GLRA3: variants seen among roughly 807,000 people sequenced by gnomAD.
The protein encoded by GLRA3 is glycine receptor subunit alpha-3.
Under a neutral mutation model 60.4 loss-of-function variants are expected in GLRA3, and 44 were observed. The ratio of observed to expected loss-of-function variants is 0.73; its 90% CI spans 0.57 to 0.94. The LOEUF (loss-of-function observed/expected upper bound fraction) is 0.94. Among genes scored for constraint, GLRA3 ranks in the 40% least tolerant of loss-of-function variants. The pLI, the probability that GLRA3 is intolerant of heterozygous loss-of-function variation, is 0.00. For missense variants in GLRA3, 508 were observed against 564.6 expected, an observed-to-expected ratio of 0.90 and a Z score of 1.02; for synonymous variants, 223 against 192.9, an observed-to-expected ratio of 1.16 and a Z score of -1.29.
rs559311917 is a variant in GLRA3, at chr4:174,645,091, A to G, written c.1117-1027T>C. On this transcript the variant is annotated intron_variant, in intron 9 of 9. Coordinates refer to ENST00000274093, the MANE Select transcript of GLRA3 (RefSeq NM_006529.4). ...TATGATAATGCTTTTTCATAATAAT[A>G]TAAAAGATCAAATAATTGGCTTGAA... Among the ~76,000 whole-genome samples the G allele has an allele frequency of 2.0e-5, 3 of 152,184 alleles. No individual in the cohort carries two copies. The East Asian group carries it at 5.8e-4, about 29-fold the overall frequency.
At chr4:174,725,018 A>G (rs573907825) in intron 4 of GLRA3, among the ~76,000 whole-genome samples, 12 of 152,336 alleles carry the variant, frequency 7.9e-5, no homozygotes, top group African/African-American at 2.4e-4. Flanking sequence ...TGGGAACTCA[A>G]CTTCTTGAAT....
intron 1 of GLRA3, among the ~76,000 whole-genome samples, chr4:174,793,423 CATT>C: frequency 8.3e-6 from 1 of 120,094 alleles, no homozygotes. Context: ...AATTTACATT[CATT>C]TATTTATTTA....
In GLRA3 at chr4:174,657,171, T is replaced by C. The variant is rs192371723; in HGVS notation, c.1072-384A>G. On this transcript the variant is annotated intron_variant, in intron 8 of 9. Transcript: ENST00000274093. The stretch of plus-strand genomic sequence containing the variant: ...GCATCAAATATTTTAATTTCACTTT[T>C]ACATGTGGTAAAACTGAATAAAGAG... Among the ~76,000 whole-genome samples the C allele has an allele frequency of 2.7e-3, 409 of 152,286 alleles. 2 individuals carry two copies. The highest frequency in any genetic ancestry group is 0.023 in the South Asian group (110 of 4,832).
At chr4:174,676,401 T>C (rs1393040753) in intron 7 of GLRA3, among the ~76,000 whole-genome samples, 1 of 149,650 alleles carries the variant, frequency 6.7e-6, no homozygotes, top group African/African-American at 2.5e-5. Context: ...TGTAGTATAA[T>C]TGGTATATTT....
chr4:174,668,890 ATAGGG>A (rs1733790887), intron 7 of GLRA3, among the ~76,000 whole-genome samples: 1 of 152,150 alleles, frequency 6.6e-6, no homozygotes. Flanking sequence ...AGCCCTTTGA[ATAGGG>A]TAATTGGTTC....
chr4:174,673,592 G>A (rs1733991710), intron 7 of GLRA3, among the ~76,000 whole-genome samples: 1 of 152,120 alleles, frequency 6.6e-6, no homozygotes, highest in Non-Finnish European at 1.5e-5. Flanking sequence ...AGAGAGAGAA[G>A]ATTTTCAGCT....
intron 5 of GLRA3, among the ~76,000 whole-genome samples, chr4:174,707,853 A>G (rs1355904832): frequency 1.3e-5 from 2 of 152,236 alleles, no homozygotes; most frequent in African/African-American, 2.4e-5. Flanking sequence ...TAATTTGACC[A>G]TATGACTGAC....
intron 6 of GLRA3, among the ~76,000 whole-genome samples, chr4:174,678,695 AAACC>A (rs1734223455): frequency 6.6e-6 from 1 of 152,236 alleles, no homozygotes; most frequent in South Asian, 2.1e-4. Context: ...ACATATGTGC[AAACC>A]ATACATGATC....
chr4:174,638,195 G>A lies in GLRA3; in HGVS notation c.*5591C>T, dbSNP rs758693663. 2 of 152,156 alleles carry A rather than the reference G, an allele frequency of 1.3e-5. No homozygotes were observed. Among genetic ancestry groups the A allele is most frequent in the Admixed American group, 6.5e-5 (1 of 15,272 alleles). The allele number at this position is 152,156 out of a possible 1,614,324, so 9.4% of individuals were successfully genotyped here. A position where few individuals can be genotyped will look rare whatever the true frequency, so the allele number is the denominator to read the frequency against. On this transcript the variant is annotated 3_prime_UTR_variant, in exon 10 of 10. Transcript: ENST00000274093. ...TAATGAGCTACCTGTTGCTATCTGG[G>A]TGCTCGAAGAATGTGGATAATGTAA...
At chr4:174,814,180 C>T (rs2111377624) in intron 1 of GLRA3, among the ~76,000 whole-genome samples, 1 of 152,294 alleles carries the variant, frequency 6.6e-6, no homozygotes, top group Non-Finnish European at 1.5e-5. Context: ...GGGTGACAGC[C>T]TTTTGCACTT....
intron 2 of GLRA3, among the ~76,000 whole-genome samples, chr4:174,774,639 A>G (rs1482026854): frequency 6.6e-6 from 1 of 152,190 alleles, no homozygotes; most frequent in Admixed American, 6.5e-5. Context: ...TAAATAACTG[A>G]ATAAGAATAT....
intron 1 of GLRA3, among the ~76,000 whole-genome samples, chr4:174,808,271 G>A (rs964641683): frequency 6.6e-6 from 1 of 152,052 alleles, no homozygotes; most frequent in African/African-American, 2.4e-5. Context: ...CGACATTTTG[G>A]CCAATGTCAG....
At chr4:174,654,794 C>T (rs556408662) in intron 9 of GLRA3, among the ~76,000 whole-genome samples, 1 of 152,218 alleles carries the variant, frequency 6.6e-6, no homozygotes, top group East Asian at 1.9e-4. Context: ...TACAGACACA[C>T]ACAAGCACAC....
intron 3 of GLRA3, among the ~76,000 whole-genome samples, chr4:174,761,415 T>C: frequency 6.6e-6 from 1 of 152,296 alleles, no homozygotes; most frequent in East Asian, 1.9e-4. Flanking sequence ...TGGACACTTC[T>C]GTGAGATCAC....
intron 3 of GLRA3, among the ~76,000 whole-genome samples, chr4:174,750,521 A>C: frequency 6.6e-6 from 1 of 152,132 alleles, no homozygotes; most frequent in East Asian, 1.9e-4. Context: ...CAAGGGATTA[A>C]GATTATATTA....
chr4:174,788,563 C>A (rs1579609517), intron 2 of GLRA3, among the ~76,000 whole-genome samples: 2 of 62,052 alleles, frequency 3.2e-5, no homozygotes, highest in African/African-American at 6.5e-5. Context: ...ATGGTCAAGA[C>A]AAGAAGTATT....
chr4:174,781,484 T>A (rs1211539545), intron 2 of GLRA3, among the ~76,000 whole-genome samples: 1 of 133,902 alleles, frequency 7.5e-6, no homozygotes, highest in Non-Finnish European at 1.6e-5. Flanking sequence ...CTGAAGGAAA[T>A]AGAGACACAA....
chr4:174,722,079 T>C (rs1323653294), intron 4 of GLRA3, among the ~76,000 whole-genome samples: 1 of 152,128 alleles, frequency 6.6e-6, no homozygotes, highest in Non-Finnish European at 1.5e-5. Context: ...TCTGTATCTA[T>C]ATGTATCATC....
In GLRA3 at chr4:174,643,763, T is replaced by C. The variant is rs1732700216; in HGVS notation, c.*23A>G. The stretch of plus-strand genomic sequence containing the variant: ...GACACTTTCTTCTGAATTGACCATT[T>C]GCATTTGCATGCCCCCAGAGACTTA... On this transcript the variant is annotated 3_prime_UTR_variant, in exon 10 of 10. Transcript: ENST00000274093. 3 of 1,602,910 alleles carry C rather than the reference T, an allele frequency of 1.9e-6. No individual in the cohort carries two copies. The highest frequency in any genetic ancestry group is 2.6e-6 in the Non-Finnish European group (3 of 1,173,476).
Sources: gnomAD v4.1 joint callset for allele counts (sites outside exome capture counted in the v4.1 genomes callset) on GRCh38, gnomAD v4.1.1 for gene constraint, MANE v1.5 for transcripts, NCBI Gene and HGNC (gene_info 2026-07-23, HGNC 2026-07-21) for gene names.